The following PEX12 variants were observed in gnomAD, a reference collection of about 807,000 sequenced individuals.
The protein encoded by PEX12 is peroxisomal biogenesis factor 12, also known as peroxisome assembly protein 12.
PEX12 carries 31 observed loss-of-function variants against 32.5 expected under a neutral mutation model. The ratio of observed to expected loss-of-function variants is 0.95; its 90% CI spans 0.72 to 1.29. PEX12 has a LOEUF of 1.29. Ranked by LOEUF, PEX12 falls within the 50% of genes most tolerant of loss-of-function variation. PEX12 has a pLI of 0.00. For synonymous variants in PEX12, 148 were observed against 157.2 expected (o/e 0.94, Z 0.44); for missense variants, 359 against 419.0 (o/e 0.86, Z 1.25).
In PEX12 at chr17:35,578,370, C is replaced by A; in HGVS notation, c.-349G>T. The A allele has an allele frequency of 2.8e-6, 1 of 353,066 alleles. No individual in the cohort carries two copies. 21.9% of individuals were successfully genotyped at this position (353,066 alleles called of 1,614,324 possible). ...CCTCTGGAGCTGCGAACCAGAAACG[C>A]CCCCTCCTCCCCAATCGTGAGAGCT... On this transcript the variant is annotated 5_prime_UTR_variant, in exon 1 of 3. Transcript: ENST00000225873.
rs1003905752 is a variant in PEX12 at position 35,577,423 on chromosome 17, T to C, written c.295A>G (p.Lys99Glu). The change falls in exon 2 of 3, where the codon AAG becomes GAG. Residue 99 changes from lysine to glutamate, a missense_variant. Transcript: ENST00000225873. Reference protein sequence around the residue: ...LKRIVMGDTHKSQRLASAGLP... With the variant: ...LKRIVMGDTHESQRLASAGLP... ...CCAGCACTAGCCAATCTCTGAGACT[T>C]GTGAGTGTCCCCCATTACAATTCTC... 6.2e-6 allele frequency: 10 copies of C among 1,614,160 alleles called. No homozygotes were observed. The Middle Eastern group carries it at 4.9e-4, about 80-fold the overall frequency.
chr17:35,577,584 G>T lies in PEX12; in HGVS notation c.134C>A (p.Ala45Glu). ...PALQHVVKVLAESNPTHYGFL... is the reference protein window; with the variant it reads ...PALQHVVKVLEESNPTHYGFL... ...GCCATAGTGGGTGGGATTTGATTCT[G>T]CAAGAACCTAAAGCAAAATAAAGCA... Residue 45 changes from alanine (A) to glutamate (E), a missense_variant, in exon 2 of 3, where the codon GCA becomes GAA. Transcript: ENST00000225873. The T allele has an allele frequency of 6.2e-7, 1 of 1,612,560 alleles. No individual in the cohort carries two copies. The highest frequency in any genetic ancestry group is 8.5e-7 in the Non-Finnish European group (1 of 1,179,910).
At position 35,575,765 on chromosome 17, in the gene PEX12, T is replaced by C. The variant is rs756569847; in HGVS notation, c.*17A>G. The C allele has an allele frequency of 1.3e-5, 21 of 1,613,088 alleles. No homozygotes were observed. The highest frequency in any genetic ancestry group is 1.0e-5 in the Non-Finnish European group (12 of 1,179,104). ...CAGCGCAATACTTTTGTTGTGAGGATAAGACATGATTCCCTTTCAGTTCTC... is the reference window on the plus strand; with the variant it reads ...CAGCGCAATACTTTTGTTGTGAGGACAAGACATGATTCCCTTTCAGTTCTC... On this transcript the variant is annotated 3_prime_UTR_variant, in exon 3 of 3. Transcript: ENST00000225873.
intron 2 of PEX12, among the ~76,000 whole-genome samples, chr17:35,576,457 T>TCCC (rs1166253991): frequency 6.9e-6 from 1 of 145,444 alleles, no homozygotes; most frequent in African/African-American, 2.5e-5. Flanking sequence ...TATATAGACC[T>TCCC]CCCTTTTTTT....
At position 35,576,117 on chromosome 17, in the gene PEX12, T is replaced by TA. The variant is rs61752108; in HGVS notation, c.744dup (p.Thr249TyrfsTer14). The stretch of plus-strand genomic sequence containing the variant: ...AAGAATACACCCACAGAAAGGCCAG[T>TA]AGACAGGGATAAGGCAACACCCCCA... On this transcript the variant is annotated frameshift_variant, in exon 3 of 3. Coordinates refer to ENST00000225873, the MANE Select transcript of PEX12 (RefSeq NM_000286.3). LOFTEE classifies it high-confidence loss of function. 7.4e-6 allele frequency: 12 copies of TA among 1,613,954 alleles called. No individual in the cohort carries two copies. The highest frequency in any genetic ancestry group is 9.3e-6 in the Non-Finnish European group (11 of 1,179,976).
chr17:35,575,277 T>G lies in PEX12; in HGVS notation c.*505A>C. 1 of 161,504 alleles carries G rather than the reference T, an allele frequency of 6.2e-6. No individual in the cohort carries two copies. Among genetic ancestry groups the G allele is most frequent in the South Asian group, 1.6e-4 (1 of 6,148 alleles). The allele number at this position is 161,504 out of a possible 1,614,324, so 10.0% of individuals were successfully genotyped here. On this transcript the variant is annotated 3_prime_UTR_variant, in exon 3 of 3. Coordinates refer to ENST00000225873, the MANE Select transcript of PEX12 (RefSeq NM_000286.3). The stretch of plus-strand genomic sequence containing the variant: ...GAAGGAGCTTTTTTCCCCCCCAGAG[T>G]GTTTCTAAGCATTTCTATCAAGAGC...
At position 35,575,236 on chromosome 17, in the gene PEX12, T is replaced by C. The variant is rs1427371330; in HGVS notation, c.*546A>G. 2 of 155,090 alleles carry C rather than the reference T, an allele frequency of 1.3e-5. No individual in the cohort carries two copies. Among genetic ancestry groups the C allele is most frequent in the African/African-American group, 4.8e-5 (2 of 41,464 alleles). 9.6% of individuals were successfully genotyped at this position (155,090 alleles called of 1,614,324 possible). A position where few individuals can be genotyped will look rare whatever the true frequency, so the allele number is the denominator to read the frequency against. ...TAAACAATAGATGTCACTTAACAAA[T>C]GTCTCACAGTATATGGAAGGAGCTT... On this transcript the variant is annotated 3_prime_UTR_variant, in exon 3 of 3. Transcript: ENST00000225873.
rs1010287791 is a variant in PEX12, at chr17:35,578,151, G to A, written c.-130C>T. On this transcript the variant is annotated 5_prime_UTR_variant, in exon 1 of 3. Transcript: ENST00000225873. ...ACTTTCTGCATGATATCTGAAACTC[G>A]AAACTCAATCTTATGGGCAAAAATG... 5 of 1,194,626 alleles carry A rather than the reference G, an allele frequency of 4.2e-6. No individual in the cohort carries two copies. Among genetic ancestry groups the A allele is most frequent in the African/African-American group, 3.0e-5 (2 of 66,956 alleles). The allele number at this position is 1,194,626 out of a possible 1,614,324, so 74.0% of individuals were successfully genotyped here.
chr17:35,577,736 G>T, intron 1 of PEX12, 145 bp from the exon 2 acceptor site: 1 of 1,264,434 alleles, frequency 7.9e-7, no homozygotes, highest in Non-Finnish European at 1.1e-6. Flanking sequence ...ATTCAGTACA[G>T]GTCTCTACAC....
rs549033406 is a variant in PEX12, at chr17:35,575,260, T to A, written c.*522A>T. The stretch of plus-strand genomic sequence containing the variant: ...ATGTCTCACAGTATATGGAAGGAGC[T>A]TTTTTCCCCCCCAGAGTGTTTCTAA... On this transcript the variant is annotated 3_prime_UTR_variant, in exon 3 of 3. Coordinates refer to ENST00000225873, the MANE Select transcript of PEX12 (RefSeq NM_000286.3). 6.2e-5 allele frequency: 10 copies of A among 160,356 alleles called. No homozygotes were observed. In the South Asian group the frequency reaches 1.7e-3, roughly 27 times the overall value. The allele number at this position is 160,356 out of a possible 1,614,324, so 9.9% of individuals were successfully genotyped here.
rs1221464146 is a variant in PEX12, at chr17:35,574,952, C to T, written c.*830G>A. The T allele has an allele frequency of 6.6e-6, 1 of 152,560 alleles. No individual in the cohort carries two copies. Among genetic ancestry groups the T allele is most frequent in the Non-Finnish European group, 1.5e-5 (1 of 68,030 alleles). The allele number at this position is 152,560 out of a possible 1,614,324, so 9.5% of individuals were successfully genotyped here. Reference sequence around the variant, plus strand: ...ACCAGAATAATTCATGACACTTTAGCAAACTCTTAGCAGCAAGCAGAAAGA... The same window carrying T: ...ACCAGAATAATTCATGACACTTTAGTAAACTCTTAGCAGCAAGCAGAAAGA... On this transcript the variant is annotated 3_prime_UTR_variant, in exon 3 of 3. Transcript: ENST00000225873.
chr17:35,577,815 T>C (rs537308067), intron 1 of PEX12, 81 bp downstream of exon 1: 1 of 1,591,644 alleles, frequency 6.3e-7, no homozygotes, highest in African/African-American at 1.3e-5. Flanking sequence ...TTTCAAACGC[T>C]AGGCTACCAA....
Position 35,575,690 on chromosome 17 carries a change from G to A in PEX12, c.*92C>T. 1 of 1,143,136 alleles carries A rather than the reference G, an allele frequency of 8.7e-7. No homozygotes were observed. Among genetic ancestry groups the A allele is most frequent in the Non-Finnish European group, 1.3e-6 (1 of 750,734 alleles). 70.8% of individuals were successfully genotyped at this position (1,143,136 alleles called of 1,614,324 possible). A position where few individuals can be genotyped will look rare whatever the true frequency, so the allele number is the denominator to read the frequency against. ...AAAGTTCATATAGTTATGAATTGAG[G>A]CTGAGAAGTGTCAACTCAATACCAT... On this transcript the variant is annotated 3_prime_UTR_variant, in exon 3 of 3. Coordinates refer to ENST00000225873, the MANE Select transcript of PEX12 (RefSeq NM_000286.3).
Position 35,578,374 on chromosome 17 carries a change from C to T in PEX12, c.-353G>A, listed in dbSNP as rs985128798. The T allele has an allele frequency of 2.8e-6, 1 of 352,630 alleles. No individual in the cohort carries two copies. The highest frequency in any genetic ancestry group is 3.8e-5 in the Admixed American group (1 of 26,258). 21.8% of individuals were successfully genotyped at this position (352,630 alleles called of 1,614,324 possible). A position where few individuals can be genotyped will look rare whatever the true frequency, so the allele number is the denominator to read the frequency against. On this transcript the variant is annotated 5_prime_UTR_variant, in exon 1 of 3. Transcript: ENST00000225873. Reference sequence around the variant, plus strand: ...TGGAGCTGCGAACCAGAAACGCCCCCTCCTCCCCAATCGTGAGAGCTCAAA... The same window carrying T: ...TGGAGCTGCGAACCAGAAACGCCCCTTCCTCCCCAATCGTGAGAGCTCAAA...
In PEX12 at chr17:35,575,917, A is replaced by G; in HGVS notation, c.945T>C (p.Thr315=). 1 of 1,614,262 alleles carries G rather than the reference A, an allele frequency of 6.2e-7. No homozygotes were observed. Among genetic ancestry groups the G allele is most frequent in the Non-Finnish European group, 8.5e-7 (1 of 1,180,050 alleles). ...PLCRKTRVND[T]VLATSGYVFC... Reference sequence around the variant, plus strand: ...ACACATAGCCAGAGGTGGCAAGAACAGTATCATTCACCCGGGTTTTACGAC... The same window carrying G: ...ACACATAGCCAGAGGTGGCAAGAACGGTATCATTCACCCGGGTTTTACGAC... The change falls in exon 3 of 3, where the codon ACT becomes ACC. Residue 315 remains threonine, a synonymous_variant. Transcript: ENST00000225873.
rs1259080550 is a variant in PEX12 at position 35,575,218 on chromosome 17, T to C, written c.*564A>G. ...TTTATCCTTAAAAGCTGATAAACAA[T>C]AGATGTCACTTAACAAATGTCTCAC... On this transcript the variant is annotated 3_prime_UTR_variant, in exon 3 of 3. Coordinates refer to ENST00000225873, the MANE Select transcript of PEX12 (RefSeq NM_000286.3). 1 of 155,148 alleles carries C rather than the reference T, an allele frequency of 6.4e-6. No homozygotes were observed. Among genetic ancestry groups the C allele is most frequent in the Non-Finnish European group, 1.4e-5 (1 of 69,942 alleles). 9.6% of individuals were successfully genotyped at this position (155,148 alleles called of 1,614,324 possible).
chr17:35,578,107 T>C lies in PEX12; in HGVS notation c.-86A>G. The C allele has an allele frequency of 6.6e-7, 1 of 1,505,292 alleles. No individual in the cohort carries two copies. Among genetic ancestry groups the C allele is most frequent in the Non-Finnish European group, 9.2e-7 (1 of 1,084,016 alleles). The allele number at this position is 1,505,292 out of a possible 1,614,324, so 93.2% of individuals were successfully genotyped here. ...TTCGGGAGGAAGAGTATCAGATGGGTGCTCAGTCTTAAAGGTAAACTTTCT... is the reference window on the plus strand; with the variant it reads ...TTCGGGAGGAAGAGTATCAGATGGGCGCTCAGTCTTAAAGGTAAACTTTCT... On this transcript the variant is annotated 5_prime_UTR_variant, in exon 1 of 3. Transcript: ENST00000225873.
intron 1 of PEX12, 146 bp from the exon 2 acceptor site, chr17:35,577,737 G>C: frequency 7.8e-7 from 1 of 1,275,678 alleles, no homozygotes; most frequent in Non-Finnish European, 1.1e-6. Context: ...TTCAGTACAG[G>C]TCTCTACACA....
In PEX12 at chr17:35,575,698, G is replaced by C; in HGVS notation, c.*84C>G. ...TATAGTTATGAATTGAGGCTGAGAA[G>C]TGTCAACTCAATACCATGCTGAAAC... On this transcript the variant is annotated 3_prime_UTR_variant, in exon 3 of 3. Transcript: ENST00000225873. The C allele has an allele frequency of 3.2e-6, 4 of 1,233,084 alleles. No individual in the cohort carries two copies. Among genetic ancestry groups the C allele is most frequent in the Non-Finnish European group, 4.8e-6 (4 of 832,712 alleles). 76.4% of individuals were successfully genotyped at this position (1,233,084 alleles called of 1,614,324 possible).
Sources: gnomAD v4.1 joint callset for allele counts (sites outside exome capture counted in the v4.1 genomes callset) on GRCh38, gnomAD v4.1.1 for gene constraint, MANE v1.5 for transcripts, NCBI Gene and HGNC (gene_info 2026-07-23, HGNC 2026-07-21) for gene names.